The following TMTC2 variants were observed in gnomAD, a reference collection of about 807,000 sequenced individuals.
TMTC2 encodes transmembrane O-mannosyltransferase targeting cadherins 2, also known as protein O-mannosyl-transferase TMTC2.
Under a neutral mutation model 82.4 loss-of-function variants are expected in TMTC2, and 43 were observed. The ratio of observed to expected loss-of-function variants is 0.52; its 90% CI spans 0.41 to 0.67. The LOEUF (loss-of-function observed/expected upper bound fraction) is 0.67. Among genes scored for constraint, TMTC2 ranks in the 30% least tolerant of loss-of-function variants. The pLI, the probability that TMTC2 is intolerant of heterozygous loss-of-function variation, is 0.00. For missense variants in TMTC2, 919 were observed against 1,012.4 expected (o/e 0.91, Z 1.25); for synonymous variants, 408 against 381.9 (o/e 1.07, Z -0.80).
intron 9 of TMTC2, among the ~76,000 whole-genome samples, chr12:83,039,262 G>A (rs941595046): frequency 3.3e-5 from 5 of 152,000 alleles, no homozygotes; most frequent in African/African-American, 9.7e-5. Context: ...TATTGTTCAA[G>A]TAGATAGCAG....
intron 1 of TMTC2, among the ~76,000 whole-genome samples, chr12:82,707,194 C>G (rs1873401587): frequency 6.6e-6 from 1 of 152,116 alleles, no homozygotes; most frequent in Non-Finnish European, 1.5e-5. Flanking sequence ...TGTAGAGGCC[C>G]CACTTCCTTG....
intron 1 of TMTC2, among the ~76,000 whole-genome samples, chr12:82,794,705 T>TA (rs1157684139): frequency 6.6e-6 from 1 of 152,146 alleles, no homozygotes; most frequent in Admixed American, 6.5e-5. Context: ...GTATATTTAT[T>TA]AAGGGAATAG....
At chr12:82,800,160 C>T (rs537346176) in intron 1 of TMTC2, among the ~76,000 whole-genome samples, 498 of 152,160 alleles carry the variant, frequency 3.3e-3, no homozygotes, top group Non-Finnish European at 4.9e-3. Flanking sequence ...AATAGTGTCT[C>T]TCTCACAGAG....
Position 83,051,735 on chromosome 12 carries a change from A to G in TMTC2, c.2267+717A>G, listed in dbSNP as rs1343645060. The stretch of plus-strand genomic sequence containing the variant: ...TCAAAATAGCCCTGTAATCAACACT[A>G]TTGCTTTGTCATGAAACAATACATT... On this transcript the variant is annotated intron_variant, in intron 10 of 11. Transcript: ENST00000321196. 3.9e-5 allele frequency among the ~76,000 whole-genome samples: 6 copies of G among 152,130 alleles called. No homozygotes were observed. In the South Asian group the frequency reaches 1.0e-3, roughly 26 times the overall value.
intron 2 of TMTC2, among the ~76,000 whole-genome samples, chr12:82,883,183 C>T (rs1390227355): frequency 6.6e-6 from 1 of 151,644 alleles, no homozygotes; most frequent in African/African-American, 2.4e-5. Context: ...GTGAGTTATG[C>T]CCAGATAAAT....
At chr12:83,025,738 A>G (rs1231299348) in intron 8 of TMTC2, among the ~76,000 whole-genome samples, 1 of 152,322 alleles carries the variant, frequency 6.6e-6, no homozygotes, top group African/African-American at 2.4e-5. Flanking sequence ...GGAGGTTCCC[A>G]TGACCCTCTT....
At position 83,074,977 on chromosome 12, in the gene TMTC2, A is replaced by G. The variant is rs533237486; in HGVS notation, c.2331+13146A>G. ...AGTTTTACCCCCTGCTCCTCTGGCC[A>G]CCCTCCTGATGGATCCCTGTGGTGT... On this transcript the variant is annotated intron_variant, in intron 11 of 11. Transcript: ENST00000321196. Among the ~76,000 whole-genome samples, 371 of 152,100 alleles carry G rather than the reference A, an allele frequency of 2.4e-3. 1 individual carries two copies. Among genetic ancestry groups the G allele is most frequent in the Non-Finnish European group, 3.7e-3 (250 of 67,994 alleles).
chr12:83,114,455 C>A (rs942280521), intron 11 of TMTC2, among the ~76,000 whole-genome samples: 1 of 152,164 alleles, frequency 6.6e-6, no homozygotes, highest in Non-Finnish European at 1.5e-5. Flanking sequence ...AGTTTTGAAT[C>A]TCTGTTACAG....
At chr12:82,875,385 T>TATATATATATATATATATATATATATATA (rs140437146) in intron 2 of TMTC2, among the ~76,000 whole-genome samples, 87 of 151,896 alleles carry the variant, frequency 5.7e-4, no homozygotes, top group African/African-American at 2.1e-3. Context: ...TATATATATA[T>TATATATATATATATATATATATATATATA]ATGTTTTACA....
chr12:82,753,130 A>G (rs1413315247), intron 1 of TMTC2, among the ~76,000 whole-genome samples: 1 of 152,096 alleles, frequency 6.6e-6, no homozygotes, highest in Non-Finnish European at 1.5e-5. Context: ...TCAGGCAGAT[A>G]CCAGATATAT....
chr12:83,132,414 C>T lies in TMTC2; in HGVS notation c.*25C>T, dbSNP rs1226410205. 1 of 1,609,558 alleles carries T rather than the reference C, an allele frequency of 6.2e-7. No homozygotes were observed. Among genetic ancestry groups the T allele is most frequent in the South Asian group, 1.1e-5 (1 of 90,360 alleles). On this transcript the variant is annotated 3_prime_UTR_variant, in exon 12 of 12. Coordinates refer to ENST00000321196, the MANE Select transcript of TMTC2 (RefSeq NM_152588.3). ...ACACAGGAGGCAGAAGCCCATCCTC[C>T]TCCATTTTTAAAAGCTGGCTTCCTT...
chr12:82,932,524 C>T (rs1169953532), intron 4 of TMTC2, among the ~76,000 whole-genome samples: 2 of 152,052 alleles, frequency 1.3e-5, no homozygotes, highest in East Asian at 3.9e-4. Flanking sequence ...CTAGGTACTC[C>T]TACAAAGGCT....
intron 1 of TMTC2, among the ~76,000 whole-genome samples, chr12:82,826,741 G>A (rs1869441171): frequency 6.6e-6 from 1 of 152,056 alleles, no homozygotes; most frequent in Non-Finnish European, 1.5e-5. Flanking sequence ...GAAATTCTGT[G>A]TGACATGAGT....
rs537733965 is a variant in TMTC2 at position 83,103,341 on chromosome 12, T to A, written c.2332-28869T>A. Reference sequence around the variant, plus strand: ...TGCATTGCTGCTATGACGAAATGCCTGAGGCTGGATAATTTATAAAGAAAA... The same window carrying A: ...TGCATTGCTGCTATGACGAAATGCCAGAGGCTGGATAATTTATAAAGAAAA... On this transcript the variant is annotated intron_variant, in intron 11 of 11. Coordinates refer to ENST00000321196, the MANE Select transcript of TMTC2 (RefSeq NM_152588.3). 5.9e-5 allele frequency among the ~76,000 whole-genome samples: 9 copies of A among 152,294 alleles called. No individual in the cohort carries two copies. The South Asian group carries it at 1.7e-3, about 28-fold the overall frequency.
intron 3 of TMTC2, among the ~76,000 whole-genome samples, chr12:82,910,779 GT>G (rs1874595264): frequency 6.6e-6 from 1 of 152,124 alleles, no homozygotes; most frequent in African/African-American, 2.4e-5. Context: ...GCCCCTGTCT[GT>G]GTCCAGCCTC....
intron 7 of TMTC2, among the ~76,000 whole-genome samples, chr12:82,975,991 T>A (rs1378293436): frequency 6.6e-6 from 1 of 152,156 alleles, no homozygotes; most frequent in Non-Finnish European, 1.5e-5. Flanking sequence ...GACTCCATTT[T>A]AATTTTCCTG....
chr12:82,784,890 TTTG>T (rs1310822762), intron 1 of TMTC2, among the ~76,000 whole-genome samples: 1 of 151,352 alleles, frequency 6.6e-6, no homozygotes, highest in African/African-American at 2.4e-5. Context: ...CTTTTTTTTG[TTTG>T]TTTTGTTTTT....
At chr12:83,044,260 A>C (rs917992659) in intron 9 of TMTC2, among the ~76,000 whole-genome samples, 2 of 152,192 alleles carry the variant, frequency 1.3e-5, no homozygotes, top group South Asian at 2.1e-4. Flanking sequence ...ACATTTATTA[A>C]ATCTCCAAAG....
intron 8 of TMTC2, among the ~76,000 whole-genome samples, chr12:83,012,489 G>A: frequency 6.6e-6 from 1 of 152,046 alleles, no homozygotes; most frequent in South Asian, 2.1e-4. Context: ...AATTTAAAGA[G>A]TCAAATAGTT....
Sources: gnomAD v4.1 joint callset for allele counts (sites outside exome capture counted in the v4.1 genomes callset) on GRCh38, gnomAD v4.1.1 for gene constraint, MANE v1.5 for transcripts, NCBI Gene and HGNC (gene_info 2026-07-23, HGNC 2026-07-21) for gene names.